MYH14: variants seen among roughly 807,000 people sequenced by gnomAD.
MYH14 encodes the protein myosin-14.
Under a neutral mutation model 255.5 loss-of-function variants are expected in MYH14, and 123 were observed. That is an observed-to-expected ratio of 0.48 (90% CI 0.42 to 0.56). The LOEUF is 0.56. Among genes scored for constraint, MYH14 ranks in the 20% least tolerant of loss-of-function variants. The pLI, the probability that MYH14 is intolerant of heterozygous loss-of-function variation, is 0.00. For synonymous variants in MYH14, 1,095 were observed against 1,161.2 expected (o/e 0.94, Z 1.16); for missense variants, 2,423 against 2,802.3 (o/e 0.86, Z 3.06).
chr19:50,288,860 GA>G (rs1435066031), intron 34 of MYH14, among the ~76,000 whole-genome samples: 1 of 152,142 alleles, frequency 6.6e-6, no homozygotes, highest in Non-Finnish European at 1.5e-5. Flanking sequence ...TAAGTAAGGA[GA>G]GGGGTGAAGG....
intron 10 of MYH14, among the ~76,000 whole-genome samples, chr19:50,239,169 G>A (rs1056186066): frequency 4.6e-5 from 7 of 152,088 alleles, no homozygotes; most frequent in South Asian, 4.1e-4. Context: ...ACAGGCATGC[G>A]CCGCCACACC....
intron 39 of MYH14, among the ~76,000 whole-genome samples, chr19:50,301,220 A>C (rs1289714192): frequency 6.6e-6 from 1 of 152,230 alleles, no homozygotes; most frequent in Non-Finnish European, 1.5e-5. Flanking sequence ...TTATAAGTGC[A>C]GATTCCCAGA....
chr19:50,270,756 G>A lies in MYH14; in HGVS notation c.3034-653G>A, dbSNP rs947400864. On this transcript the variant is annotated intron_variant, in intron 24 of 42. Coordinates refer to ENST00000642316, the MANE Select transcript of MYH14 (RefSeq NM_001145809.2). ...GTTGCCCAGGCTGGAGTGCAGTGGC[G>A]CGATTTCAGCTCACTGCAAGCTCTG... 4.6e-5 allele frequency among the ~76,000 whole-genome samples: 7 copies of A among 151,362 alleles called. No individual in the cohort carries two copies. In the East Asian group the frequency reaches 7.8e-4, roughly 17 times the overall value.
At chr19:50,219,265 T>TC (rs1424709575) in intron 3 of MYH14, among the ~76,000 whole-genome samples, 49 of 151,858 alleles carry the variant, frequency 3.2e-4, no homozygotes, top group African/African-American at 1.2e-3. Flanking sequence ...AGTGTCTTTT[T>TC]CATATAATAG....
chr19:50,297,474 GCT>G (rs902034326), intron 39 of MYH14, among the ~76,000 whole-genome samples: 1 of 144,268 alleles, frequency 6.9e-6, no homozygotes, highest in African/African-American at 2.5e-5. Flanking sequence ...CATCTTTGTG[GCT>G]CTGTCTCATC....
intron 2 of MYH14, among the ~76,000 whole-genome samples, chr19:50,214,348 G>A (rs1413591532): frequency 6.6e-6 from 1 of 152,160 alleles, no homozygotes; most frequent in Non-Finnish European, 1.5e-5. Flanking sequence ...ACCAACTGAT[G>A]ATGGGGATGG....
rs758203765 is a variant in MYH14, at chr19:50,308,989, C to G, written c.5788-16C>G. 1.9e-6 allele frequency: 3 copies of G among 1,600,590 alleles called. No homozygotes were observed. Among genetic ancestry groups the G allele is most frequent in the Non-Finnish European group, 2.6e-6 (3 of 1,173,450 alleles). Reference sequence around the variant, plus strand: ...AGTACCTGGAGATATAACCCAGTCCCCCTGCTTCCATCAAGCTGGAGAAGG... The same window carrying G: ...AGTACCTGGAGATATAACCCAGTCCGCCTGCTTCCATCAAGCTGGAGAAGG... On this transcript the variant is annotated splice_polypyrimidine_tract_variant and intron_variant, in intron 41 of 42. Coordinates refer to ENST00000642316, the MANE Select transcript of MYH14 (RefSeq NM_001145809.2).
In MYH14 at chr19:50,255,200, C is replaced by G; in HGVS notation, c.1946-20C>G. 2.0e-6 allele frequency: 3 copies of G among 1,508,548 alleles called. No individual in the cohort carries two copies. Among genetic ancestry groups the G allele is most frequent in the Non-Finnish European group, 2.7e-6 (3 of 1,108,194 alleles). The allele number at this position is 1,508,548 out of a possible 1,614,324, so 93.4% of individuals were successfully genotyped here. ...GCCATCTCCCCTCCACCCACCCACA[C>G]ATCTGTCCTCACTCCCCAGAACATG... On this transcript the variant is annotated intron_variant, in intron 16 of 42. Coordinates refer to ENST00000642316, the MANE Select transcript of MYH14 (RefSeq NM_001145809.2).
Position 50,280,458 on chromosome 19 carries a change from GATGGCC to G in MYH14, c.4290+79_4290+84del. The G allele has an allele frequency of 1.4e-6, 2 of 1,424,818 alleles. No individual in the cohort carries two copies. 88.3% of individuals were successfully genotyped at this position (1,424,818 alleles called of 1,614,324 possible). On this transcript the variant is annotated intron_variant, in intron 32 of 42. Transcript: ENST00000642316. This position sits in a 1 kb window ranked among gnomAD's most constrained non-coding sequence, Gnocchi z 4.8. ...CTCCTCCTGGGTTCCCCAGCTCAGG[GATGGCC>G]ATGCTGCCCACCTTCTCATAGGCCA...
chr19:50,232,127 C>T, intron 10 of MYH14, 57 bp downstream of exon 10: 2 of 1,595,128 alleles, frequency 1.3e-6, no homozygotes, highest in Middle Eastern at 1.7e-4. Flanking sequence ...GAGCTGGGGA[C>T]CTGGCCATTC....
chr19:50,267,647 T>TAATAATAATCA (rs1568519050), intron 23 of MYH14, among the ~76,000 whole-genome samples: 2 of 151,730 alleles, frequency 1.3e-5, no homozygotes, highest in African/African-American at 4.8e-5. Flanking sequence ...ATAATAATAA[T>TAATAATAATCA]GCTAGAACAA....
chr19:50,278,812 TAAA>T (rs10605117), intron 30 of MYH14, among the ~76,000 whole-genome samples: 114 of 131,972 alleles, frequency 8.6e-4, no homozygotes, highest in African/African-American at 1.1e-3. Flanking sequence ...CTGTCTCTAC[TAAA>T]AAAAAAAAAA....
At chr19:50,249,239 C>CCTCT in intron 13 of MYH14, 100 bp downstream of exon 13, 1 of 1,332,902 alleles carries the variant, frequency 7.5e-7, no homozygotes, top group Non-Finnish European at 1.0e-6. Flanking sequence ...TCTCTGTCCC[C>CCTCT]CTCTCTCTCT....
At chr19:50,267,108 G>T in intron 23 of MYH14, 100 bp downstream of exon 23, 1 of 1,221,620 alleles carries the variant, frequency 8.2e-7, no homozygotes. Flanking sequence ...GGCTGAGCCA[G>T]CCTGTGCCCA....
chr19:50,243,578 T>A (rs758510764), intron 10 of MYH14, among the ~76,000 whole-genome samples: 88 of 152,340 alleles, frequency 5.8e-4, no homozygotes, highest in Middle Eastern at 3.4e-3. Flanking sequence ...CAGTGAGCTA[T>A]GATCGTGCCA....
At chr19:50,254,949 G>A (rs2034538367) in intron 16 of MYH14, among the ~76,000 whole-genome samples, 1 of 152,212 alleles carries the variant, frequency 6.6e-6, no homozygotes, top group Non-Finnish European at 1.5e-5. Context: ...CCTCTAGAGG[G>A]AGAGATTTTT....
chr19:50,247,332 G>A (rs2034170079), intron 12 of MYH14, among the ~76,000 whole-genome samples: 1 of 152,006 alleles, frequency 6.6e-6, no homozygotes, highest in Non-Finnish European at 1.5e-5. Flanking sequence ...GTAAGGAAAT[G>A]GATAATAAAA....
intron 27 of MYH14, among the ~76,000 whole-genome samples, chr19:50,273,601 GGTGTGTGTGTGT>G (rs56095197): frequency 7.3e-6 from 1 of 137,476 alleles, no homozygotes; most frequent in Non-Finnish European, 1.6e-5. Flanking sequence ...GAACATGGGG[GGTGTGTGTGTGT>G]GTGTGTGTGT....
chr19:50,286,350 CTCTTGTG>C lies in MYH14; in HGVS notation c.4540-128_4540-122del, dbSNP rs982042883. 5.5e-5 allele frequency: 49 copies of C among 896,736 alleles called. No homozygotes were observed. The South Asian group carries it at 6.8e-4, about 12-fold the overall frequency. The allele number at this position is 896,736 out of a possible 1,614,324, so 55.5% of individuals were successfully genotyped here. On this transcript the variant is annotated intron_variant, in intron 33 of 42. Transcript: ENST00000642316. ...TTGCAACTTTAATCCCTCTACCTCC[CTCTTGTG>C]TCTCTGCCTTTGTCTGTCTCTTTCT...
Sources: allele counts gnomAD v4.1 joint callset (sites outside exome capture counted in the v4.1 genomes callset), GRCh38; gene constraint gnomAD v4.1.1; non-coding constraint Gnocchi (gnomAD v3.1); transcripts MANE v1.5; gene names NCBI Gene and HGNC (gene_info 2026-07-23, HGNC 2026-07-21).